ITGA1: variants seen among roughly 807,000 people sequenced by gnomAD.
ITGA1 encodes the protein integrin alpha-1.
In ITGA1, 85 loss-of-function variants were observed where a neutral mutation model predicts 145.9. That is an observed-to-expected ratio of 0.58 (90% confidence interval 0.49 to 0.70). The LOEUF (loss-of-function observed/expected upper bound fraction) is 0.70. Ranked by LOEUF, ITGA1 falls within the 30% of genes least tolerant of loss-of-function variation. The pLI, the probability that ITGA1 is intolerant of heterozygous loss-of-function variation, is 0.00. For missense variants in ITGA1, 1,351 were observed against 1,418.7 expected (o/e 0.95, Z 0.77); for synonymous variants, 520 against 495.3 (o/e 1.05, Z -0.66).
chr5:52,957,147 A>C lies in ITGA1; in HGVS notation c.*4696A>C, dbSNP rs954666051. ...TTAGAAATTCAAAGTAACAGCCTTTAACCATTAACCTTGAGGAAAATGTGA... is the reference window on the plus strand; with the variant it reads ...TTAGAAATTCAAAGTAACAGCCTTTCACCATTAACCTTGAGGAAAATGTGA... On this transcript the variant is annotated 3_prime_UTR_variant, in exon 29 of 29. Coordinates refer to ENST00000282588, the MANE Select transcript of ITGA1 (RefSeq NM_181501.2). 6.6e-6 allele frequency: 1 copy of C among 152,210 alleles called. No individual in the cohort carries two copies. The highest frequency in any genetic ancestry group is 6.5e-5 in the Admixed American group (1 of 15,272). 9.4% of individuals were successfully genotyped at this position (152,210 alleles called of 1,614,324 possible). A position where few individuals can be genotyped will look rare whatever the true frequency, so the allele number is the denominator to read the frequency against.
chr5:52,906,768 C>T (rs186072237), intron 12 of ITGA1, among the ~76,000 whole-genome samples: 1 of 152,254 alleles, frequency 6.6e-6, no homozygotes, highest in Admixed American at 6.5e-5. Context: ...TTCCAACTCT[C>T]TAGACTAGAG....
chr5:52,846,969 A>C (rs191083970), intron 1 of ITGA1, among the ~76,000 whole-genome samples: 3 of 152,198 alleles, frequency 2.0e-5, no homozygotes, highest in Non-Finnish European at 4.4e-5. Context: ...GTTATCTGTC[A>C]GTCTGAAAAT....
At chr5:52,927,262 C>G (rs538242511) in intron 19 of ITGA1, among the ~76,000 whole-genome samples, 89 of 152,288 alleles carry the variant, frequency 5.8e-4, no homozygotes, top group Middle Eastern at 6.8e-3. Flanking sequence ...CTGCTCTGCA[C>G]CAGTCTTGGG....
chr5:52,887,357 A>C (rs1390806939), intron 7 of ITGA1, among the ~76,000 whole-genome samples: 1 of 152,138 alleles, frequency 6.6e-6, no homozygotes, highest in Non-Finnish European at 1.5e-5. Flanking sequence ...TTTTCGAGCC[A>C]TTCTACAAAT....
intron 28 of ITGA1, among the ~76,000 whole-genome samples, chr5:52,948,007 G>A (rs2111911662): frequency 6.6e-6 from 1 of 152,278 alleles, no homozygotes. Flanking sequence ...GGGATCAGCT[G>A]ATGTAGGGGA....
chr5:52,879,725 G>A (rs756432401), intron 6 of ITGA1, among the ~76,000 whole-genome samples: 18 of 152,018 alleles, frequency 1.2e-4, no homozygotes, highest in Non-Finnish European at 1.6e-4. Context: ...TTCCCAAAGG[G>A]TCTTTTGGTC....
At position 52,937,742 on chromosome 5, in the gene ITGA1, G is replaced by A. The variant is rs142865893; in HGVS notation, c.3078+228G>A. The stretch of plus-strand genomic sequence containing the variant: ...AAACAACACAAATTTATTCTTTCAC[G>A]GTTCTGGAGTCCAGAAGTCCAAAAT... On this transcript the variant is annotated intron_variant, in intron 24 of 28. Coordinates refer to ENST00000282588, the MANE Select transcript of ITGA1 (RefSeq NM_181501.2). 4.5e-3 allele frequency among the ~76,000 whole-genome samples: 689 copies of A among 152,198 alleles called. 5 individuals are homozygous for A. The highest frequency in any genetic ancestry group is 0.015 in the African/African-American group (626 of 41,528).
At chr5:52,880,184 A>C (rs1023930238) in intron 6 of ITGA1, among the ~76,000 whole-genome samples, 1 of 152,146 alleles carries the variant, frequency 6.6e-6, no homozygotes, top group Non-Finnish European at 1.5e-5. Flanking sequence ...TGGATAAGGG[A>C]TACACATCTT....
At chr5:52,937,867 T>G (rs531063236) in intron 24 of ITGA1, among the ~76,000 whole-genome samples, 2 of 152,258 alleles carry the variant, frequency 1.3e-5, no homozygotes, top group Admixed American at 1.3e-4. Context: ...CCCTAGTCGT[T>G]CCTTGGCTTG....
At chr5:52,800,681 TG>T (rs1178514782) in intron 1 of ITGA1, 1 of 1,614,098 alleles carries the variant, frequency 6.2e-7, no homozygotes, top group Non-Finnish European at 8.5e-7. Flanking sequence ...TATGTCAAGA[TG>T]GGGGCTTACC....
Position 52,818,236 on chromosome 5 carries a change from GA to G in ITGA1, c.61+29831del, listed in dbSNP as rs202016654. ...TTTTAGCATCAAGGCTTGCTGAGTT[GA>G]AAAAAAAATGGTATGGTTCTCTAAC... On this transcript the variant is annotated intron_variant, in intron 1 of 28. Transcript: ENST00000282588. Among the ~76,000 whole-genome samples, 1,069 of 150,514 alleles carry G rather than the reference GA, an allele frequency of 7.1e-3. 15 individuals carry two copies. The highest frequency in any genetic ancestry group is 0.024 in the African/African-American group (997 of 41,116).
intron 1 of ITGA1, among the ~76,000 whole-genome samples, chr5:52,822,544 C>A (rs1748896579): frequency 6.6e-6 from 1 of 152,182 alleles, no homozygotes; most frequent in Non-Finnish European, 1.5e-5. Flanking sequence ...GACTGCTCTG[C>A]ATAGGGGATA....
intron 7 of ITGA1, among the ~76,000 whole-genome samples, chr5:52,886,834 A>G (rs1750059045): frequency 6.6e-6 from 1 of 152,190 alleles, no homozygotes; most frequent in Non-Finnish European, 1.5e-5. Context: ...GCTGGAATGC[A>G]GTGGCGCGAT....
At chr5:52,829,006 A>G (rs1305382264) in intron 1 of ITGA1, among the ~76,000 whole-genome samples, 2 of 152,190 alleles carry the variant, frequency 1.3e-5, no homozygotes, top group Non-Finnish European at 2.9e-5. Flanking sequence ...ATTACCAGTC[A>G]TTGAATTTTG....
At chr5:52,910,108 C>A in intron 13 of ITGA1, 54 bp from the exon 14 acceptor site, 1 of 1,510,970 alleles carries the variant, frequency 6.6e-7, no homozygotes, top group South Asian at 1.2e-5. Context: ...AAAAATTCTA[C>A]TCTGCTGTAG....
chr5:52,933,997 G>T lies in ITGA1; in HGVS notation c.2964+1G>T. On this transcript the variant is annotated splice_donor_variant, in intron 23 of 28. Transcript: ENST00000282588. LOFTEE classifies it high-confidence loss of function. ...AAATGAAATTAATATCTTCTACTTG[G>T]TAAGAAATTACCTCTAAAATAGTAT... is the stretch of plus-strand genomic sequence containing the variant. The T allele has an allele frequency of 7.8e-7, 1 of 1,278,554 alleles. No homozygotes were observed. The highest frequency in any genetic ancestry group is 1.7e-5 in the South Asian group (1 of 58,448). 79.2% of individuals were successfully genotyped at this position (1,278,554 alleles called of 1,614,324 possible).
chr5:52,873,879 A>G (rs1275751026), intron 6 of ITGA1, among the ~76,000 whole-genome samples: 1 of 152,176 alleles, frequency 6.6e-6, no homozygotes, highest in East Asian at 1.9e-4. Flanking sequence ...CCAGAAACTT[A>G]GCTTATGCTG....
intron 1 of ITGA1, among the ~76,000 whole-genome samples, chr5:52,792,834 C>T (rs754342649): frequency 6.6e-6 from 1 of 152,142 alleles, no homozygotes; most frequent in Non-Finnish European, 1.5e-5. Context: ...ACTGTTGCCA[C>T]AGTGCTAAAG....
At chr5:52,900,937 A>C (rs527771240) in intron 11 of ITGA1, among the ~76,000 whole-genome samples, 112 of 152,294 alleles carry the variant, frequency 7.4e-4, no homozygotes, top group African/African-American at 2.6e-3. Flanking sequence ...TTATATAATA[A>C]ACATTCCTCT....
Sources: allele counts gnomAD v4.1 joint callset (sites outside exome capture counted in the v4.1 genomes callset), GRCh38; gene constraint gnomAD v4.1.1; transcripts MANE v1.5; gene names NCBI Gene and HGNC (gene_info 2026-07-23, HGNC 2026-07-21).